The following CCDC33 variants were observed in gnomAD, a reference collection of about 807,000 sequenced individuals.
CCDC33 encodes the protein coiled-coil domain-containing protein 33.
CCDC33 carries 94 observed loss-of-function variants against 91.9 expected under a neutral mutation model. The ratio of observed to expected loss-of-function variants is 1.02; its 90% CI spans 0.87 to 1.21. The LOEUF (loss-of-function observed/expected upper bound fraction) is 1.21. CCDC33 is among the 50% of genes most tolerant of loss of function. The pLI, the probability that CCDC33 is intolerant of heterozygous loss-of-function variation, is 0.00. For missense variants in CCDC33, 940 were observed against 935.5 expected, an observed-to-expected ratio of 1.00 and a Z score of -0.06; for synonymous variants, 396 against 374.5, an observed-to-expected ratio of 1.06 and a Z score of -0.66.
At chr15:74,209,673 G>A in intron 2 of CCDC33, 1 of 541,240 alleles carries the variant, frequency 1.8e-6, no homozygotes, top group Non-Finnish European at 3.3e-6. Context: ...AACGCTGCTG[G>A]ACAGTCGGCT....
chr15:74,228,805 G>A (rs989867605), intron 2 of CCDC33, among the ~76,000 whole-genome samples: 1 of 152,212 alleles, frequency 6.6e-6, no homozygotes, highest in Non-Finnish European at 1.5e-5. Context: ...GGCAGGGGCC[G>A]GGCCAGCTCC....
chr15:74,307,400 A>G (rs141759862), intron 11 of CCDC33, among the ~76,000 whole-genome samples: 1 of 152,312 alleles, frequency 6.6e-6, no homozygotes, highest in Non-Finnish European at 1.5e-5. Context: ...CTGAAAAGGA[A>G]CATACAATTA....
At chr15:74,209,229 C>T (rs2074330086) in intron 1 of CCDC33, 4 of 1,128,024 alleles carry the variant, frequency 3.5e-6, no homozygotes, top group Non-Finnish European at 2.5e-6. Flanking sequence ...CTCCACACCC[C>T]CAAACCGTTT....
At position 74,218,183 on chromosome 15, in the gene CCDC33, A is replaced by C. The variant is rs1405390934; in HGVS notation, c.311-314A>C. ...AGTCCCAGACTTTAAATGGCTATAAATCAGGGGCAGGCTGAACTCTTCCCC... is the reference window on the plus strand; with the variant it reads ...AGTCCCAGACTTTAAATGGCTATAACTCAGGGGCAGGCTGAACTCTTCCCC... On this transcript the variant is annotated intron_variant, in intron 1 of 2. Coordinates refer to the CCDC33 transcript ENST00000635913. This position sits in a 1 kb window ranked among gnomAD's most constrained non-coding sequence, Gnocchi z 4.8. 6.6e-6 allele frequency among the ~76,000 whole-genome samples: 1 copy of C among 152,154 alleles called. No homozygotes were observed. Among genetic ancestry groups the C allele is most frequent in the East Asian group, 1.9e-4 (1 of 5,190 alleles).
chr15:74,332,616 T>C (rs1486813567), intron 15 of CCDC33, 63 bp from the exon 16 acceptor site: 2 of 1,572,792 alleles, frequency 1.3e-6, no homozygotes, highest in Non-Finnish European at 1.7e-6. Context: ...CTGGAGCAGA[T>C]CAGGACAGGG....
At chr15:74,242,819 T>C (rs755161898) in intron 1 of CCDC33, among the ~76,000 whole-genome samples, 2 of 152,026 alleles carry the variant, frequency 1.3e-5, no homozygotes, top group Non-Finnish European at 2.9e-5. Flanking sequence ...AGCTCTGCCG[T>C]CTTCTCTGAG....
intron 1 of CCDC33, among the ~76,000 whole-genome samples, chr15:74,237,112 G>A (rs1400774514): frequency 6.6e-6 from 1 of 152,182 alleles, no homozygotes; most frequent in Non-Finnish European, 1.5e-5. Context: ...CAGCCCTGAT[G>A]CCCCCATTGC....
chr15:74,314,705 T>C (rs1036982670), intron 11 of CCDC33, among the ~76,000 whole-genome samples: 5 of 151,938 alleles, frequency 3.3e-5, no homozygotes, highest in African/African-American at 1.2e-4. Flanking sequence ...GATTTGGGGG[T>C]TAGGAGGGGT....
rs1280254287 is a variant in CCDC33 at position 74,254,036 on chromosome 15, A to AT, written c.186-8397dup. ...AGCCTCTCTCAATTTTATTTATTTT[A>AT]TTTTTTTATTTTTTGAGATGGAGTC... On this transcript the variant is annotated intron_variant, in intron 2 of 18. Coordinates refer to ENST00000398814, the MANE Select transcript of CCDC33 (RefSeq NM_025055.5). Among the ~76,000 whole-genome samples, 7 of 151,568 alleles carry AT rather than the reference A, an allele frequency of 4.6e-5. No individual in the cohort carries two copies. The East Asian group carries it at 9.7e-4, about 21-fold the overall frequency.
At chr15:74,217,694 C>A in intron 1 of CCDC33, 1 of 832,316 alleles carries the variant, frequency 1.2e-6, no homozygotes, top group Non-Finnish European at 1.6e-6. Flanking sequence ...GGTCAGAGCT[C>A]CAGACTGCAT....
chr15:74,276,516 T>A (rs2076454131), intron 7 of CCDC33, among the ~76,000 whole-genome samples: 1 of 151,986 alleles, frequency 6.6e-6, no homozygotes, highest in Non-Finnish European at 1.5e-5. Flanking sequence ...GCCCCTTCCA[T>A]CCCCACAGAC....
intron 1 of CCDC33, chr15:74,217,685 G>A (rs757902412): frequency 3.6e-5 from 34 of 939,826 alleles, no homozygotes; most frequent in Non-Finnish European, 4.7e-5. Context: ...GGAGGGTGGG[G>A]TCAGAGCTCC....
intron 1 of CCDC33, among the ~76,000 whole-genome samples, chr15:74,240,898 GA>G (rs2075327048): frequency 1.3e-5 from 2 of 152,182 alleles, no homozygotes; most frequent in South Asian, 4.1e-4. Flanking sequence ...CGGCCAAGTT[GA>G]AACCTAGGTC....
chr15:74,251,257 C>T (rs932854300), intron 2 of CCDC33, among the ~76,000 whole-genome samples: 12 of 152,232 alleles, frequency 7.9e-5, no homozygotes, highest in Admixed American at 7.2e-4. Flanking sequence ...GGCCAGTCTC[C>T]AGGCCCAGGG....
At chr15:74,263,648 A>G in intron 3 of CCDC33, among the ~76,000 whole-genome samples, 1 of 152,156 alleles carries the variant, frequency 6.6e-6, no homozygotes, top group East Asian at 1.9e-4. Flanking sequence ...TTGACCTAGG[A>G]TTTCATGCAG....
intron 7 of CCDC33, among the ~76,000 whole-genome samples, chr15:74,279,380 A>C (rs1243172121): frequency 1.3e-5 from 2 of 152,214 alleles, no homozygotes; most frequent in Non-Finnish European, 2.9e-5. Flanking sequence ...TATACACAAA[A>C]TATACACAGA....
intron 7 of CCDC33, among the ~76,000 whole-genome samples, chr15:74,275,461 T>G (rs985411275): frequency 6.6e-6 from 1 of 152,156 alleles, no homozygotes; most frequent in Admixed American, 6.5e-5. Context: ...AAACCCCAAC[T>G]TGGATCGGCT....
chr15:74,268,361 C>A lies in CCDC33; in HGVS notation c.449C>A (p.Ala150Asp). Residue 150 changes from alanine (A) to aspartate (D), a missense_variant, in exon 5 of 19, where the codon GCC becomes GAC. By Grantham distance (126) the Ala-to-Asp change is moderately radical. Coordinates refer to ENST00000398814, the MANE Select transcript of CCDC33 (RefSeq NM_025055.5). ...ELVKPTESGK[A>D]DEATAKTQLY... ...CTCCAGCCCACTGAGTCTGGGAAAG[C>A]CGATGAAGCCACTGCCAAGACCCAG... 6.2e-7 allele frequency: 1 copy of A among 1,613,714 alleles called. No homozygotes were observed. Among genetic ancestry groups the A allele is most frequent in the South Asian group, 1.1e-5 (1 of 91,070 alleles).
At chr15:74,252,588 G>A (rs1446956789) in intron 2 of CCDC33, among the ~76,000 whole-genome samples, 2 of 152,240 alleles carry the variant, frequency 1.3e-5, no homozygotes, top group Admixed American at 1.3e-4. Context: ...CCAAGGCCCA[G>A]GGGAGAATGT....
Sources: gnomAD v4.1 joint callset for allele counts (sites outside exome capture counted in the v4.1 genomes callset) on GRCh38, gnomAD v4.1.1 for gene constraint, Gnocchi (gnomAD v3.1) non-coding constraint, MANE v1.5 for transcripts, NCBI Gene and HGNC (gene_info 2026-07-23, HGNC 2026-07-21) for gene names.